Variants in MRPL9 observed in about 807,000 individuals in gnomAD.
MRPL9 encodes mitochondrial ribosomal protein L9, also known as large ribosomal subunit protein bL9m.
Under a neutral mutation model 27.6 loss-of-function variants are expected in MRPL9, and 25 were observed. The ratio of observed to expected loss-of-function variants is 0.91; its 90% CI spans 0.66 to 1.27. The LOEUF is 1.27. Among genes scored for constraint, MRPL9 ranks in the 50% most tolerant of loss-of-function variants. The pLI is 0.00. For missense variants in MRPL9, 362 were observed against 338.0 expected (o/e 1.07, Z -0.56); for synonymous variants, 154 against 139.0 (o/e 1.11, Z -0.76).
chr1:151,760,714 TG>T, intron 6 of MRPL9, 101 bp downstream of exon 6: 1 of 1,053,674 alleles, frequency 9.5e-7, no homozygotes, highest in Non-Finnish European at 1.3e-6. Flanking sequence ...GAATCCAGCC[TG>T]GGCAATGAAA....
chr1:151,760,566 G>T (rs1030329668), intron 6 of MRPL9, among the ~76,000 whole-genome samples: 5 of 101,600 alleles, frequency 4.9e-5, no homozygotes, highest in African/African-American at 1.6e-4. Flanking sequence ...AACAGAGTGA[G>T]ACTCCAGCTC....
At chr1:151,761,986 C>T (rs1648105550) in intron 4 of MRPL9, 119 bp downstream of exon 4, 1 of 1,010,338 alleles carries the variant, frequency 9.9e-7, no homozygotes, top group African/African-American at 1.6e-5. Flanking sequence ...AGCCACAACA[C>T]TTCCCCTTTC....
At chr1:151,760,985 G>A in intron 5 of MRPL9, 86 bp from the exon 6 acceptor site, 1 of 1,252,994 alleles carries the variant, frequency 8.0e-7, no homozygotes, top group Non-Finnish European at 1.1e-6. Flanking sequence ...TCATAAAGAG[G>A]GTTACAGGAT....
rs1224891446 is a variant in MRPL9, at chr1:151,762,998, G to A, written c.302C>T (p.Ser101Leu). The A allele has an allele frequency of 3.1e-6, 5 of 1,614,082 alleles. No homozygotes were observed. The highest frequency in any genetic ancestry group is 4.2e-6 in the Non-Finnish European group (5 of 1,179,964). The part of the protein sequence containing the change: ...KENLELILTQ[S>L]VENVGVRGDL... ...CTCGGCCCGGGCCTTACTCTCCACC[G>A]ACTGCGTCAGGATGAGCTCCAGGTT... Residue 101 changes from serine to leucine, a missense_variant, in exon 2 of 7, where the codon TCG (serine) becomes TTG (leucine). Ser to Leu is a moderately radical substitution (Grantham distance 145). Coordinates refer to ENST00000368830, the MANE Select transcript of MRPL9 (RefSeq NM_031420.4).
At position 151,759,982 on chromosome 1, in the gene MRPL9, C is replaced by A; in HGVS notation, c.*68G>T. 1 of 1,579,484 alleles carries A rather than the reference C, an allele frequency of 6.3e-7. No homozygotes were observed. The highest frequency in any genetic ancestry group is 2.3e-5 in the East Asian group (1 of 44,396). ...ATTTGGTCAGAGCTGGGAGTGAGAT[C>A]AGGGTGCTTGCACATTTCTGCTCCA... On this transcript the variant is annotated 3_prime_UTR_variant, in exon 7 of 7. Coordinates refer to ENST00000368830, the MANE Select transcript of MRPL9 (RefSeq NM_031420.4).
chr1:151,761,618 C>T, intron 4 of MRPL9, 66 bp from the exon 5 acceptor site: 1 of 1,223,774 alleles, frequency 8.2e-7, no homozygotes, highest in Non-Finnish European at 1.2e-6. Context: ...GTATGCAAGC[C>T]AAGCAAGATG....
rs773836792 is a variant in MRPL9, at chr1:151,763,293, C to A, written c.153+34G>T. 5 of 1,575,136 alleles carry A rather than the reference C, an allele frequency of 3.2e-6. No homozygotes were observed. In the East Asian group the frequency reaches 9.3e-5, roughly 29 times the overall value. ...TGCGCCTCCAGAAACAATACTCGAG[C>A]GTATCTACCCCCTACCCCAGACTCA... On this transcript the variant is annotated intron_variant, in intron 1 of 6. Transcript: ENST00000368830.
Position 151,760,071 on chromosome 1 carries a change from G to A in MRPL9, c.783C>T (p.Ala261=), listed in dbSNP as rs138567315. 1 of 1,613,896 alleles carries A rather than the reference G, an allele frequency of 6.2e-7. No individual in the cohort carries two copies. Among genetic ancestry groups the A allele is most frequent in the Admixed American group, 1.7e-5 (1 of 59,968 alleles). ...AGATTTAGATCTGGGGGCTGGTGGG[G>A]GCCATAGCCTTGGCAGCTTGCTGGG... ...WLAQQAAKAM[A]PTSPQI is the part of the protein sequence containing the mutation. Residue 261 remains alanine, a synonymous_variant, in exon 7 of 7, where the codon GCC becomes GCT. Transcript: ENST00000368830.
intron 2 of MRPL9, 62 bp from the exon 3 acceptor site, chr1:151,762,562 T>C: frequency 6.5e-7 from 1 of 1,539,086 alleles, no homozygotes; most frequent in Non-Finnish European, 8.8e-7. Context: ...AGAAAAGATG[T>C]CAAAAAGAGA....
At position 151,763,422 on chromosome 1, in the gene MRPL9, G is replaced by A. The variant is rs1186693063; in HGVS notation, c.58C>T (p.Arg20Trp). ...TCCTGGACGCCTCCCCGAAGCAGCC[G>A]TCCAGCGCCCGCCCGCAGCAGAGCT... ...GRALLRAGAG[R>W]LLRGGVQELL... is the part of the protein sequence containing the mutation. Residue 20 changes from arginine (R) to tryptophan (W), a missense_variant, in exon 1 of 7, where the codon CGG (arginine) becomes TGG (tryptophan). Arg to Trp is a moderately radical substitution (Grantham distance 101). Coordinates refer to ENST00000368830, the MANE Select transcript of MRPL9 (RefSeq NM_031420.4). The A allele has an allele frequency of 1.9e-6, 3 of 1,565,776 alleles. No homozygotes were observed. The highest frequency in any genetic ancestry group is 1.9e-5 in the Admixed American group (1 of 52,882).
intron 5 of MRPL9, among the ~76,000 whole-genome samples, chr1:151,761,167 A>AAAG (rs1648058599): frequency 6.6e-6 from 1 of 152,200 alleles, no homozygotes; most frequent in African/African-American, 2.4e-5. Context: ...TTCATCCACA[A>AAAG]AAGTAACAAT....
rs756116473 is a variant in MRPL9 at position 151,762,085 on chromosome 1, CT to C, written c.486+19del. 7.4e-6 allele frequency: 12 copies of C among 1,613,460 alleles called. No homozygotes were observed. The Admixed American group carries it at 1.7e-4, about 22-fold the overall frequency. ...TGGTAAGTCTTGTGACAAATAAACACTTTTTATGTTTCTACTCACCGCCTCA... is the reference window on the plus strand; with the variant it reads ...TGGTAAGTCTTGTGACAAATAAACACTTTTATGTTTCTACTCACCGCCTCA... On this transcript the variant is annotated intron_variant, in intron 4 of 6. Transcript: ENST00000368830.
intron 6 of MRPL9, 84 bp downstream of exon 6, chr1:151,760,732 C>G: frequency 2.4e-6 from 3 of 1,245,468 alleles, no homozygotes; most frequent in Non-Finnish European, 3.3e-6. Flanking sequence ...GAAACAAAAC[C>G]CTGTCTTTAA....
At chr1:151,762,966 G>A in intron 2 of MRPL9, 24 bp downstream of exon 2, 1 of 1,609,290 alleles carries the variant, frequency 6.2e-7, no homozygotes, top group Non-Finnish European at 8.5e-7. Context: ...AGCCTGAGAG[G>A]AAGCGCCTCG....
rs1380245939 is a variant in MRPL9, at chr1:151,760,915, A to ATAAAAAT, written c.589-17_589-16insATTTTTA. On this transcript the variant is annotated splice_polypyrimidine_tract_variant and intron_variant, in intron 5 of 6. Transcript: ENST00000368830. The stretch of plus-strand genomic sequence containing the variant: ...CAACACCAAGCTGCAAAAAAAAAAA[A>ATAAAAAT]AAAAAAAAAAATCTCAGCTCAAATG... 1.3e-6 allele frequency: 2 copies of ATAAAAAT among 1,551,076 alleles called. No homozygotes were observed. The highest frequency in any genetic ancestry group is 2.8e-5 in the African/African-American group (2 of 70,496).
chr1:151,762,857 TC>T, intron 2 of MRPL9, 132 bp downstream of exon 2: 1 of 1,114,630 alleles, frequency 9.0e-7, no homozygotes, highest in Non-Finnish European at 1.3e-6. Context: ...TTTTATGGCT[TC>T]CTCTTCTCAC....
chr1:151,760,998 C>T (rs1648048690), intron 5 of MRPL9, 99 bp from the exon 6 acceptor site: 1 of 1,118,286 alleles, frequency 8.9e-7, no homozygotes, highest in Admixed American at 3.0e-5. Context: ...TACAGGATTC[C>T]CTGCACAGGG....
In MRPL9 at chr1:151,760,944, T is replaced by C. The variant is rs201457464; in HGVS notation, c.589-45A>G. ...AAAAAAAATCTCAGCTCAAATGAAC[T>C]CTGTTTTCATGACTGCCACTCTAGG... On this transcript the variant is annotated intron_variant, in intron 5 of 6. Transcript: ENST00000368830. 33 of 1,413,694 alleles carry C rather than the reference T, an allele frequency of 2.3e-5. No homozygotes were observed. The Admixed American group carries it at 6.3e-4, about 27-fold the overall frequency. The allele number at this position is 1,413,694 out of a possible 1,614,324, so 87.6% of individuals were successfully genotyped here.
intron 2 of MRPL9, 181 bp from the exon 3 acceptor site, chr1:151,762,681 T>C (rs1012961046): frequency 1.4e-5 from 10 of 693,546 alleles, no homozygotes; most frequent in Non-Finnish European, 2.3e-6. Context: ...TAGAACTTGA[T>C]GTATAAATTT....
Sources: gnomAD v4.1 joint callset for allele counts (sites outside exome capture counted in the v4.1 genomes callset) on GRCh38, gnomAD v4.1.1 for gene constraint, MANE v1.5 for transcripts, NCBI Gene and HGNC (gene_info 2026-07-23, HGNC 2026-07-21) for gene names.